The following PCDHGA8 variants were observed in gnomAD, a reference collection of about 807,000 sequenced individuals.
PCDHGA8 encodes protocadherin gamma subfamily A, 8.
In PCDHGA8, 45 loss-of-function variants were observed where a neutral mutation model predicts 59.2. The ratio of observed to expected loss-of-function variants is 0.76; its 90% CI spans 0.60 to 0.98. The LOEUF is 0.98. PCDHGA8 is among the 50% of genes least tolerant of loss of function. The pLI is 0.00. For synonymous variants in PCDHGA8, 531 were observed against 519.0 expected (o/e 1.02, Z -0.32); for missense variants, 1,257 against 1,196.2 (o/e 1.05, Z -0.75).
In PCDHGA8 at chr5:141,432,142, C is replaced by T; in HGVS notation, c.2424+36905C>T. 1 of 1,614,098 alleles carries T rather than the reference C, an allele frequency of 6.2e-7. No individual in the cohort carries two copies. Among genetic ancestry groups the T allele is most frequent in the Non-Finnish European group, 8.5e-7 (1 of 1,180,016 alleles). On this transcript the variant is annotated intron_variant, in intron 1 of 3. Transcript: ENST00000398604. This position sits in a 1 kb window ranked among gnomAD's most constrained non-coding sequence, Gnocchi z 6.0. Reference sequence around the variant, plus strand: ...CTCAGGCCTCCTATTCCGCTTATATCCCAGAGAACAATCCCAGAGGAGTTT... The same window carrying T: ...CTCAGGCCTCCTATTCCGCTTATATTCCAGAGAACAATCCCAGAGGAGTTT...
Position 141,392,870 on chromosome 5 carries a change from G to C in PCDHGA8, c.57G>C (p.Leu19=). Residue 19 remains leucine, a synonymous_variant, in exon 1 of 4, where the codon CTG becomes CTC. Coordinates refer to ENST00000398604, the MANE Select transcript of PCDHGA8 (RefSeq NM_032088.2). The part of the protein sequence containing the change: ...RRGELILLCA[L]LGTLWEIGRG... ...GCGAGCTGATCCTGCTGTGCGCGCTGCTGGGAACGCTGTGGGAAATCGGGA... is the reference window on the plus strand; with the variant it reads ...GCGAGCTGATCCTGCTGTGCGCGCTCCTGGGAACGCTGTGGGAAATCGGGA... The C allele has an allele frequency of 6.2e-7, 1 of 1,613,226 alleles. No individual in the cohort carries two copies. Among genetic ancestry groups the C allele is most frequent in the Non-Finnish European group, 8.5e-7 (1 of 1,179,730 alleles).
rs148119281 is a variant in PCDHGA8, at chr5:141,511,006, C to T, written c.2632C>T (p.Arg878Cys). The T allele has an allele frequency of 3.5e-5, 56 of 1,614,078 alleles. No individual in the cohort carries two copies. Among genetic ancestry groups the T allele is most frequent in the African/African-American group, 5.3e-5 (4 of 74,922 alleles). The change falls in exon 4 of 4, where the codon CGC (arginine) becomes TGC (cysteine). Residue 878 changes from arginine to cysteine, a missense_variant. By Grantham distance (180) the Arg-to-Cys change is radical. Transcript: ENST00000398604. Reference protein sequence around the residue: ...GGAGTMGLSARYGPQFTLQHV... With the variant: ...GGAGTMGLSACYGPQFTLQHV... ...TGCCGGCACCATGGGATTGAGCGCC[C>T]GCTACGGACCCCAGTTCACCCTGCA...
At position 141,432,135 on chromosome 5, in the gene PCDHGA8, C is replaced by T; in HGVS notation, c.2424+36898C>T. On this transcript the variant is annotated intron_variant, in intron 1 of 3. Transcript: ENST00000398604. This position sits in a 1 kb window ranked among gnomAD's most constrained non-coding sequence, Gnocchi z 6.0. ...GTCTTCCCTCAGGCCTCCTATTCCGCTTATATCCCAGAGAACAATCCCAGA... is the reference window on the plus strand; with the variant it reads ...GTCTTCCCTCAGGCCTCCTATTCCGTTTATATCCCAGAGAACAATCCCAGA... The T allele has an allele frequency of 6.2e-7, 1 of 1,614,140 alleles. No homozygotes were observed. Among genetic ancestry groups the T allele is most frequent in the Non-Finnish European group, 8.5e-7 (1 of 1,180,026 alleles).
chr5:141,502,126 A>C (rs2154593060), intron 2 of PCDHGA8, among the ~76,000 whole-genome samples: 1 of 152,252 alleles, frequency 6.6e-6, no homozygotes, highest in South Asian at 2.1e-4. Flanking sequence ...AGGCCCACAG[A>C]GCTCAGTCGG....
intron 1 of PCDHGA8, chr5:141,415,066 C>T (rs777981621): frequency 1.4e-5 from 23 of 1,613,410 alleles, no homozygotes; most frequent in Non-Finnish European, 1.9e-5. Flanking sequence ...GGGCGAGGTG[C>T]GCACGGCGCG....
chr5:141,436,207 A>G (rs544201723), intron 1 of PCDHGA8, among the ~76,000 whole-genome samples: 67 of 152,260 alleles, frequency 4.4e-4, no homozygotes, highest in Non-Finnish European at 7.9e-4. Flanking sequence ...ACATAATAGG[A>G]AAACAAATGA....
Position 141,432,320 on chromosome 5 carries a change from G to A in PCDHGA8, c.2424+37083G>A, listed in dbSNP as rs369088426. 4 of 1,614,120 alleles carry A rather than the reference G, an allele frequency of 2.5e-6. No individual in the cohort carries two copies. The African/African-American group carries it at 4.0e-5, about 16-fold the overall frequency. On this transcript the variant is annotated intron_variant, in intron 1 of 3. Coordinates refer to ENST00000398604, the MANE Select transcript of PCDHGA8 (RefSeq NM_032088.2). The surrounding 1 kb of genome is among the most constrained non-coding windows in gnomAD (Gnocchi z 6.0). ...GGTACTGTATGCGCTGAGCTCCTTC[G>A]ACTACGAGCAGTTCCGAGACTTGCA...
Position 141,491,711 on chromosome 5 carries a change from C to A in PCDHGA8, c.2425-3096C>A, listed in dbSNP as rs528931820. ...CGGGAGCGGAGCCAGGTGAGGGGCT[C>A]GGCGCCGCCCCGGGCGACCCCTGGG... On this transcript the variant is annotated intron_variant, in intron 1 of 3. Coordinates refer to ENST00000398604, the MANE Select transcript of PCDHGA8 (RefSeq NM_032088.2). The surrounding 1 kb of genome is among the most constrained non-coding windows in gnomAD (Gnocchi z 6.9). 1.3e-4 allele frequency: 217 copies of A among 1,609,356 alleles called. 3 individuals are homozygous for A. In the South Asian group the frequency reaches 2.2e-3, roughly 17 times the overall value.
intron 1 of PCDHGA8, chr5:141,479,478 G>T (rs760475025): frequency 2.6e-5 from 4 of 152,408 alleles, no homozygotes; most frequent in African/African-American, 9.6e-5. Context: ...TCTTGGGAGG[G>T]CAGGACCATC....
rs200254467 is a variant in PCDHGA8 at position 141,419,887 on chromosome 5, C to T, written c.2424+24650C>T. 380 of 1,614,050 alleles carry T rather than the reference C, an allele frequency of 2.4e-4. 1 individual carries two copies. The Admixed American group carries it at 2.6e-3, about 11-fold the overall frequency. ...TGCAAGAGGTACTGCCGGATTTCAGCGACCATCCCACACCCTCTGACTCCC... is the reference window on the plus strand; with the variant it reads ...TGCAAGAGGTACTGCCGGATTTCAGTGACCATCCCACACCCTCTGACTCCC... On this transcript the variant is annotated intron_variant, in intron 1 of 3. Transcript: ENST00000398604.
rs751214480 is a variant in PCDHGA8, at chr5:141,485,161, G to A, written c.2425-9646G>A. ...CGTCTCAGGAGCAAGTAGAGAATTA[G>A]CGGGCGGCAGCAATGCTCCGCAAGG... On this transcript the variant is annotated intron_variant, in intron 1 of 3. Transcript: ENST00000398604. The surrounding 1 kb of genome is among the most constrained non-coding windows in gnomAD (Gnocchi z 5.7). The A allele has an allele frequency of 8.1e-6, 13 of 1,603,712 alleles. No individual in the cohort carries two copies. The Admixed American group carries it at 2.0e-4, about 25-fold the overall frequency.
chr5:141,393,799 G>C lies in PCDHGA8; in HGVS notation c.986G>C (p.Gly329Ala), dbSNP rs2092846945. ...GCCGAAGATGTGGGGGCACTTCTGG[G>C]GAGGACCAAATTGCTCATTTCGGTG... ...IQAEDVGALL[G>A]RTKLLISVED... The change falls in exon 1 of 4, where the codon GGG (glycine) becomes GCG (alanine). Residue 329 changes from glycine to alanine, a missense_variant. Gly to Ala is a moderately conservative substitution (Grantham distance 60). Transcript: ENST00000398604. 2.5e-6 allele frequency: 4 copies of C among 1,613,802 alleles called. No homozygotes were observed. The highest frequency in any genetic ancestry group is 2.5e-6 in the Non-Finnish European group (3 of 1,179,888).
At chr5:141,484,362 A>T (rs1460176695) in intron 1 of PCDHGA8, among the ~76,000 whole-genome samples, 1 of 152,196 alleles carries the variant, frequency 6.6e-6, no homozygotes, top group Non-Finnish European at 1.5e-5. Context: ...TATCTAGTGT[A>T]TCACTAGCAA....
At chr5:141,410,787 T>C in intron 1 of PCDHGA8, 2 of 844,672 alleles carry the variant, frequency 2.4e-6, no homozygotes, top group South Asian at 4.4e-5. Flanking sequence ...TGTATTTGGT[T>C]CATAAGTTGC....
In PCDHGA8 at chr5:141,409,031, A is replaced by G. The variant is rs748995883; in HGVS notation, c.2424+13794A>G. The G allele has an allele frequency of 1.2e-6, 2 of 1,614,032 alleles. No individual in the cohort carries two copies. The highest frequency in any genetic ancestry group is 1.7e-6 in the Non-Finnish European group (2 of 1,179,904). The stretch of plus-strand genomic sequence containing the variant: ...CCAGGATGAGGGGGTCAATGCTGAG[A>G]TAAACTACTACTTCCGAAGCACTGC... On this transcript the variant is annotated intron_variant, in intron 1 of 3. Transcript: ENST00000398604.
chr5:141,476,317 G>C lies in PCDHGA8; in HGVS notation c.2425-18490G>C, dbSNP rs759809060. The C allele has an allele frequency of 1.2e-6, 2 of 1,614,052 alleles. No homozygotes were observed. The highest frequency in any genetic ancestry group is 2.7e-5 in the African/African-American group (2 of 74,922). ...GTAGCCTCTCAGCCCGCAGGTTCCGGGTGGTGTCTGGAGCTAGCCGAAGAT... is the reference window on the plus strand; with the variant it reads ...GTAGCCTCTCAGCCCGCAGGTTCCGCGTGGTGTCTGGAGCTAGCCGAAGAT... On this transcript the variant is annotated intron_variant, in intron 1 of 3. Coordinates refer to ENST00000398604, the MANE Select transcript of PCDHGA8 (RefSeq NM_032088.2). The surrounding 1 kb of genome is among the most constrained non-coding windows in gnomAD (Gnocchi z 7.6).
intron 1 of PCDHGA8, among the ~76,000 whole-genome samples, chr5:141,406,261 C>T (rs2154537343): frequency 6.6e-6 from 1 of 152,132 alleles, no homozygotes; most frequent in African/African-American, 2.4e-5. Flanking sequence ...CTCAAACGAT[C>T]TTCCTGCTTC....
chr5:141,468,860 C>A (rs941902317), intron 1 of PCDHGA8, among the ~76,000 whole-genome samples: 16 of 151,980 alleles, frequency 1.1e-4, no homozygotes, highest in Admixed American at 4.6e-4. Context: ...AGCGAGACTC[C>A]ATCTCAAAAA....
intron 1 of PCDHGA8, chr5:141,408,164 A>G (rs2095051548): frequency 6.6e-7 from 1 of 1,520,576 alleles, no homozygotes; most frequent in South Asian, 1.3e-5. Context: ...ACTTTCTCCA[A>G]CTGGAAAAGC....
Sources: gnomAD v4.1 joint callset for allele counts (sites outside exome capture counted in the v4.1 genomes callset) on GRCh38, gnomAD v4.1.1 for gene constraint, Gnocchi (gnomAD v3.1) non-coding constraint, MANE v1.5 for transcripts, NCBI Gene and HGNC (gene_info 2026-07-23, HGNC 2026-07-21) for gene names.